CBR4: variants seen among roughly 807,000 people sequenced by gnomAD.
CBR4 encodes the protein 3-oxoacyl-[acyl-carrier-protein] reductase.
A neutral mutation model predicts 21.0 loss-of-function variants in CBR4; 22 were observed. The observed-to-expected ratio is 1.05, with a 90% CI of 0.75 to 1.50. CBR4 has a LOEUF of 1.50. CBR4 is among the 40% of genes most tolerant of loss of function. The pLI, the probability that CBR4 is intolerant of heterozygous loss-of-function variation, is 0.00. For synonymous variants in CBR4, 100 were observed against 104.4 expected, an observed-to-expected ratio of 0.96 and a Z score of 0.26; for missense variants, 302 against 286.3, an observed-to-expected ratio of 1.05 and a Z score of -0.40.
chr4:168,924,470 T>C lies in CBR4; in HGVS notation n.170-29705A>G, dbSNP rs139794743. 4.1e-3 allele frequency: 6,210 copies of C among 1,497,382 alleles called. 35 individuals carry two copies. The highest frequency in any genetic ancestry group is 4.2e-3 in the Admixed American group (252 of 59,852). The allele number at this position is 1,497,382 out of a possible 1,614,324, so 92.8% of individuals were successfully genotyped here. ...ATCCTTAACTGTTCAGTCCTAATGATGTATCAAAAGATACATTTTATATAG... is the reference window on the plus strand; with the variant it reads ...ATCCTTAACTGTTCAGTCCTAATGACGTATCAAAAGATACATTTTATATAG... On this transcript the variant is annotated intron_variant and non_coding_transcript_variant, in intron 2 of 3. Transcript: ENST00000509108.
rs901965550 is a variant in CBR4 at position 169,001,966 on chromosome 4, T to C, written c.535+105A>G. The C allele has an allele frequency of 7.3e-6, 8 of 1,101,872 alleles. No individual in the cohort carries two copies. The African/African-American group carries it at 1.1e-4, about 16-fold the overall frequency. The allele number at this position is 1,101,872 out of a possible 1,614,324, so 68.3% of individuals were successfully genotyped here. A position where few individuals can be genotyped will look rare whatever the true frequency, so the allele number is the denominator to read the frequency against. The stretch of plus-strand genomic sequence containing the variant: ...ATTATTTGATTCTTTTCACAATCAT[T>C]TTACAAACTATTCTACCCAGATGTC... On this transcript the variant is annotated intron_variant, in intron 4 of 4. Coordinates refer to ENST00000306193, the MANE Select transcript of CBR4 (RefSeq NM_032783.5).
intron 2 of CBR4, among the ~76,000 whole-genome samples, chr4:168,909,171 G>T (rs190300508): frequency 1.2e-4 from 18 of 152,218 alleles, no homozygotes; most frequent in African/African-American, 4.3e-4. Flanking sequence ...TAAGAACAAC[G>T]ACATCTAAAC....
rs150644635 is a variant in CBR4 at position 168,973,462 on chromosome 4, G to C, written n.169+28609C>G. Among the ~76,000 whole-genome samples the C allele has an allele frequency of 1.9e-4, 29 of 152,270 alleles. No homozygotes were observed. In the East Asian group the frequency reaches 4.2e-3, roughly 22 times the overall value. ...CCTGCCTCAGCCTCCCAAGTAGCTG[G>C]GATTACAGGCACCTGCCACCACATC... is the stretch of plus-strand genomic sequence containing the variant. On this transcript the variant is annotated intron_variant and non_coding_transcript_variant, in intron 2 of 3. Transcript: ENST00000509108.
chr4:168,916,544 A>C (rs1424990845), intron 2 of CBR4, among the ~76,000 whole-genome samples: 2 of 152,206 alleles, frequency 1.3e-5, no homozygotes, highest in African/African-American at 4.8e-5. Flanking sequence ...ATTACTCTAG[A>C]AAGTCATCAG....
At chr4:168,907,037 C>T (rs764228886) in intron 2 of CBR4, among the ~76,000 whole-genome samples, 1 of 152,152 alleles carries the variant, frequency 6.6e-6, no homozygotes, top group Non-Finnish European at 1.5e-5. Context: ...AGCTGGAATT[C>T]TAGCTCTGCC....
chr4:168,955,770 G>C (rs1235595358), intron 2 of CBR4, among the ~76,000 whole-genome samples: 4 of 152,142 alleles, frequency 2.6e-5, no homozygotes, highest in Admixed American at 6.5e-5. Context: ...GACCGGTCAG[G>C]ACAGACCATG....
chr4:168,896,510 C>G, intron 2 of CBR4: 1 of 1,181,404 alleles, frequency 8.5e-7, no homozygotes, highest in Non-Finnish European at 1.2e-6. Context: ...CTTATTATTT[C>G]TATTATTAGT....
At chr4:168,972,879 G>T (rs1232753473) in intron 2 of CBR4, among the ~76,000 whole-genome samples, 1 of 152,112 alleles carries the variant, frequency 6.6e-6, no homozygotes, top group Non-Finnish European at 1.5e-5. Flanking sequence ...TACTTTAAAC[G>T]CTTCCCCATT....
At chr4:168,954,652 A>T (rs1763634206) in intron 2 of CBR4, among the ~76,000 whole-genome samples, 1 of 152,196 alleles carries the variant, frequency 6.6e-6, no homozygotes, top group Non-Finnish European at 1.5e-5. Context: ...GAAGGTCTCA[A>T]ATATTTTGTC....
intron 2 of CBR4, among the ~76,000 whole-genome samples, chr4:168,945,219 C>A (rs578043129): frequency 6.6e-6 from 1 of 152,138 alleles, no homozygotes; most frequent in Non-Finnish European, 1.5e-5. Context: ...TTTTAACAAA[C>A]CTTCTAGATG....
At chr4:168,984,027 T>C (rs972423048), downstream of CBR4, among the ~76,000 whole-genome samples, 21 of 152,262 alleles carry the variant, frequency 1.4e-4, no homozygotes, top group Middle Eastern at 3.4e-3. Context: ...TCACCACTCC[T>C]ATTCAACATA....
At chr4:168,991,522 A>G (rs991005060) in intron 4 of CBR4, among the ~76,000 whole-genome samples, 1 of 152,228 alleles carries the variant, frequency 6.6e-6, no homozygotes, top group Non-Finnish European at 1.5e-5. Context: ...AAGTAAACAT[A>G]GAAAATTCAA....
intron 2 of CBR4, among the ~76,000 whole-genome samples, chr4:168,910,681 C>T (rs573340465): frequency 6.6e-6 from 1 of 152,018 alleles, no homozygotes; most frequent in Admixed American, 6.6e-5. Context: ...AACTATATGG[C>T]CTTGTTTTAC....
chr4:168,960,844 A>G (rs527590743), intron 2 of CBR4, among the ~76,000 whole-genome samples: 17 of 152,234 alleles, frequency 1.1e-4, no homozygotes, highest in Non-Finnish European at 2.2e-4. Context: ...CTGTTGCTAG[A>G]TTATGCTGGT....
chr4:168,925,276 C>T (rs1413784346), intron 2 of CBR4: 2 of 1,601,230 alleles, frequency 1.2e-6, no homozygotes, highest in Non-Finnish European at 1.7e-6. Flanking sequence ...AACAAATACC[C>T]AAGTATCATT....
chr4:168,937,238 A>G (rs180813653), intron 2 of CBR4, among the ~76,000 whole-genome samples: 3 of 152,184 alleles, frequency 2.0e-5, no homozygotes, highest in African/African-American at 7.2e-5. Flanking sequence ...GAGAAATAAA[A>G]TCCTTTACAC....
intron 2 of CBR4, among the ~76,000 whole-genome samples, chr4:168,897,017 G>C (rs1358212321): frequency 6.6e-6 from 1 of 152,082 alleles, no homozygotes; most frequent in Admixed American, 6.6e-5. Context: ...TTTTAGCAGA[G>C]ATGGGGTTTC....
intron 2 of CBR4, among the ~76,000 whole-genome samples, chr4:168,969,921 A>G (rs757128436): frequency 2.6e-5 from 4 of 152,220 alleles, no homozygotes; most frequent in Non-Finnish European, 4.4e-5. Context: ...GCCCTATATC[A>G]ATTGATATTA....
At chr4:168,953,756 TA>T (rs1402402078) in intron 2 of CBR4, among the ~76,000 whole-genome samples, 4 of 152,126 alleles carry the variant, frequency 2.6e-5, no homozygotes, top group Admixed American at 6.6e-5. Context: ...CTGTTAAGCC[TA>T]AGAAGATAGC....
Sources: allele counts gnomAD v4.1 joint callset (sites outside exome capture counted in the v4.1 genomes callset), GRCh38; gene constraint gnomAD v4.1.1; transcripts MANE v1.5; gene names NCBI Gene and HGNC (gene_info 2026-07-23, HGNC 2026-07-21).